Variants in BRAF observed in about 807,000 individuals in gnomAD.
BRAF encodes the protein B-Raf proto-oncogene, serine/threonine kinase, also known as serine/threonine-protein kinase B-raf.
Under a neutral mutation model 104.6 loss-of-function variants are expected in BRAF, and 16 were observed. The observed-to-expected ratio is 0.15, with a 90% CI of 0.10 to 0.23. The LOEUF is 0.23. BRAF is among the 10% of genes least tolerant of loss of function. The pLI, the probability that BRAF is intolerant of heterozygous loss-of-function variation, is 1.00. For missense variants in BRAF, 541 were observed against 937.3 expected (o/e 0.58, Z 5.52); for synonymous variants, 310 against 341.6 (o/e 0.91, Z 1.02).
chr7:140,903,342 CTG>C (rs1301223329), intron 1 of BRAF, among the ~76,000 whole-genome samples: 2 of 152,200 alleles, frequency 1.3e-5, no homozygotes, highest in Admixed American at 6.5e-5. Flanking sequence ...AATTTACTGT[CTG>C]TGCTCTGTAA....
At chr7:140,812,503 T>C (rs1192669405) in intron 3 of BRAF, among the ~76,000 whole-genome samples, 1 of 152,200 alleles carries the variant, frequency 6.6e-6, no homozygotes, top group African/African-American at 2.4e-5. Context: ...ACTTCAAATA[T>C]GGCTATGCTC....
At chr7:140,857,729 T>C (rs1336794744) in intron 1 of BRAF, among the ~76,000 whole-genome samples, 1 of 152,138 alleles carries the variant, frequency 6.6e-6, no homozygotes, top group African/African-American at 2.4e-5. Flanking sequence ...TCTAGGAACA[T>C]CTTGTGCCAG....
intron 14 of BRAF, among the ~76,000 whole-genome samples, chr7:140,774,658 AG>A (rs1800161064): frequency 6.6e-6 from 1 of 152,208 alleles, no homozygotes; most frequent in Non-Finnish European, 1.5e-5. Flanking sequence ...CTAGGACTAC[AG>A]GCAAGTGCCA....
intron 3 of BRAF, among the ~76,000 whole-genome samples, chr7:140,831,337 T>C (rs187299033): frequency 6.6e-6 from 1 of 152,294 alleles, no homozygotes; most frequent in East Asian, 1.9e-4. Context: ...ATATTCCAGA[T>C]GGAAGCAGAG....
In BRAF at chr7:140,800,364, A is replaced by G. The variant is rs745704339; in HGVS notation, c.978T>C (p.Ile326=). 6.2e-7 allele frequency: 1 copy of G among 1,614,078 alleles called. No individual in the cohort carries two copies. The highest frequency in any genetic ancestry group is 8.5e-7 in the Non-Finnish European group (1 of 1,179,980). The change falls in exon 7 of 20, where the codon ATT becomes ATC. Residue 326 remains isoleucine (I), a splice_region_variant and synonymous_variant. Coordinates refer to ENST00000644969, the MANE Select transcript of BRAF (RefSeq NM_001374258.1). ...SSPSAPASDS[I]GPQILTSPSP... Reference sequence around the variant, plus strand: ...CAAGAGCAGAAGTCAAACCATACCCAATAGAGTCCGAGGCGGGTGCGGAAG... The same window carrying G: ...CAAGAGCAGAAGTCAAACCATACCCGATAGAGTCCGAGGCGGGTGCGGAAG...
At chr7:140,850,910 T>C (rs1395770153) in intron 1 of BRAF, among the ~76,000 whole-genome samples, 1 of 152,188 alleles carries the variant, frequency 6.6e-6, no homozygotes, top group African/African-American at 2.4e-5. Flanking sequence ...TTTTCCACTT[T>C]ATAAAAGAAA....
At chr7:140,734,436 T>C in intron 19 of BRAF, 2 of 1,532,222 alleles carry the variant, frequency 1.3e-6, no homozygotes, top group Non-Finnish European at 1.7e-6. Context: ...GTATAAATTT[T>C]AGTTTGGGGA....
At chr7:140,814,288 A>G (rs968411154) in intron 3 of BRAF, among the ~76,000 whole-genome samples, 11 of 152,228 alleles carry the variant, frequency 7.2e-5, no homozygotes, top group African/African-American at 2.7e-4. Flanking sequence ...TCACACGTCA[A>G]TTTTTAAAGT....
chr7:140,784,936 C>T (rs1192761573), intron 10 of BRAF, among the ~76,000 whole-genome samples: 8 of 152,086 alleles, frequency 5.3e-5, no homozygotes, highest in African/African-American at 1.4e-4. Flanking sequence ...CGTGAGCCAC[C>T]GCGCCTGGCC....
intron 1 of BRAF, among the ~76,000 whole-genome samples, chr7:140,916,511 A>G (rs762215820): frequency 7.9e-5 from 12 of 152,188 alleles, no homozygotes; most frequent in Non-Finnish European, 1.8e-4. Flanking sequence ...CCTAATTGAC[A>G]CTTTCGGTGA....
intron 1 of BRAF, among the ~76,000 whole-genome samples, chr7:140,902,063 T>C (rs548913459): frequency 1.3e-5 from 2 of 152,384 alleles, no homozygotes; most frequent in South Asian, 4.1e-4. Flanking sequence ...TTTGCTTTAC[T>C]GCTCTTAGCG....
At chr7:140,762,244 A>T (rs1467754905) in intron 14 of BRAF, among the ~76,000 whole-genome samples, 8 of 152,160 alleles carry the variant, frequency 5.3e-5, no homozygotes, top group Admixed American at 5.2e-4. Context: ...CTCACTCAAA[A>T]CCACTCAACT....
intron 1 of BRAF, among the ~76,000 whole-genome samples, chr7:140,861,806 G>A (rs772250503): frequency 3.5e-4 from 53 of 152,194 alleles, no homozygotes; most frequent in Non-Finnish European, 6.9e-4. Context: ...TAGGTACATA[G>A]TTATTATATT....
rs112247282 is a variant in BRAF at position 140,828,289 on chromosome 7, C to T, written c.504+6320G>A. Among the ~76,000 whole-genome samples, 942 of 152,130 alleles carry T rather than the reference C, an allele frequency of 6.2e-3. 8 individuals carry two copies. The highest frequency in any genetic ancestry group is 0.02 in the African/African-American group (850 of 41,502). On this transcript the variant is annotated intron_variant, in intron 3 of 19. Transcript: ENST00000644969. ...AAAAATGTAAAATCCATTCTTAGTT[C>T]GCAGGCCATACAAAAATAGATGGTG...
intron 7 of BRAF, among the ~76,000 whole-genome samples, chr7:140,795,836 G>A (rs1009500409): frequency 6.6e-6 from 1 of 152,130 alleles, no homozygotes; most frequent in African/African-American, 2.4e-5. Context: ...CAAGCCTTTA[G>A]GAAAATTAGC....
intron 1 of BRAF, among the ~76,000 whole-genome samples, chr7:140,858,809 G>GTTTATATAAGTGTTTATATAAATATATA (rs1810084733): frequency 2.0e-5 from 3 of 151,878 alleles, no homozygotes; most frequent in Non-Finnish European, 4.4e-5. Context: ...TATAGGTAGT[G>GTTTATATAAGTGTTTATATAAATATATA]TTTATATAAG....
intron 3 of BRAF, among the ~76,000 whole-genome samples, chr7:140,827,709 C>T (rs956806470): frequency 2.6e-5 from 4 of 152,122 alleles, no homozygotes; most frequent in Non-Finnish European, 5.9e-5. Context: ...CAAACTGGCC[C>T]ACCTGAGGCC....
intron 1 of BRAF, among the ~76,000 whole-genome samples, chr7:140,905,451 T>C (rs535783978): frequency 3.9e-5 from 6 of 152,362 alleles, no homozygotes; most frequent in African/African-American, 1.4e-4. Flanking sequence ...AACTGTACCA[T>C]ACTGTCTGCT....
chr7:140,763,609 G>A (rs1799012870), intron 14 of BRAF, among the ~76,000 whole-genome samples: 1 of 152,196 alleles, frequency 6.6e-6, no homozygotes, highest in East Asian at 1.9e-4. Flanking sequence ...AAATGATAAA[G>A]GGGATATCAC....
Sources: allele counts gnomAD v4.1 joint callset (sites outside exome capture counted in the v4.1 genomes callset), GRCh38; gene constraint gnomAD v4.1.1; transcripts MANE v1.5; gene names NCBI Gene and HGNC (gene_info 2026-07-23, HGNC 2026-07-21).